HMCN1: variants seen among roughly 807,000 people sequenced by gnomAD.
The protein encoded by HMCN1 is hemicentin 1.
Under a neutral mutation model 625.9 loss-of-function variants are expected in HMCN1, and 321 were observed. The ratio of observed to expected loss-of-function variants is 0.51; its 90% CI spans 0.47 to 0.56. The LOEUF is 0.56. Ranked by LOEUF, HMCN1 falls within the 20% of genes least tolerant of loss-of-function variation. The pLI, the probability that HMCN1 is intolerant of heterozygous loss-of-function variation, is 0.00. For synonymous variants in HMCN1, 2,425 were observed against 2,417.6 expected, an observed-to-expected ratio of 1.00 and a Z score of -0.09; for missense variants, 6,588 against 6,887.3, an observed-to-expected ratio of 0.96 and a Z score of 1.54.
intron 11 of HMCN1, among the ~76,000 whole-genome samples, chr1:185,960,356 C>T (rs573608483): frequency 2.2e-4 from 33 of 151,928 alleles, no homozygotes; most frequent in Non-Finnish European, 3.7e-4. Flanking sequence ...CTCAAACTCC[C>T]GACCTCAGTT....
At chr1:186,026,792 G>A (rs1462666862) in intron 36 of HMCN1, among the ~76,000 whole-genome samples, 1 of 151,906 alleles carries the variant, frequency 6.6e-6, no homozygotes, top group African/African-American at 2.4e-5. Flanking sequence ...ATGCCACCAT[G>A]CCTGGCTAAT....
chr1:185,820,209 G>A (rs1357612650), intron 1 of HMCN1, among the ~76,000 whole-genome samples: 1 of 152,072 alleles, frequency 6.6e-6, no homozygotes, highest in Non-Finnish European at 1.5e-5. Flanking sequence ...AATCTCTGAG[G>A]TTACTTTGTC....
At chr1:185,960,754 A>AAT (rs1649962354) in intron 11 of HMCN1, among the ~76,000 whole-genome samples, 1 of 152,240 alleles carries the variant, frequency 6.6e-6, no homozygotes, top group South Asian at 2.1e-4. Flanking sequence ...ATTCCATGTC[A>AAT]ATAGCTAGAC....
chr1:186,180,543 C>A (rs1372900326), intron 104 of HMCN1, among the ~76,000 whole-genome samples: 2 of 152,186 alleles, frequency 1.3e-5, no homozygotes, highest in Non-Finnish European at 2.9e-5. Flanking sequence ...TGATTAATAA[C>A]CCACTTCTCT....
intron 4 of HMCN1, among the ~76,000 whole-genome samples, chr1:185,899,913 G>T (rs542826115): frequency 6.6e-6 from 1 of 151,954 alleles, no homozygotes; most frequent in African/African-American, 2.4e-5. Flanking sequence ...CCATACATCT[G>T]TCTCATTCTT....
chr1:185,951,148 G>T (rs1253716400), intron 11 of HMCN1, among the ~76,000 whole-genome samples: 9 of 146,202 alleles, frequency 6.2e-5, no homozygotes, highest in African/African-American at 8.2e-5. Context: ...GGGTTAAGGT[G>T]GGGGGATACA....
rs750386921 is a variant in HMCN1 at position 186,082,851 on chromosome 1, C to T, written c.8788-14C>T. ...TTCAAAATTTTATTTGGAATTTCTTCATTTTTCCCTTAGATTCTGAATACT... is the reference window on the plus strand; with the variant it reads ...TTCAAAATTTTATTTGGAATTTCTTTATTTTTCCCTTAGATTCTGAATACT... On this transcript the variant is annotated splice_polypyrimidine_tract_variant and intron_variant, in intron 56 of 106. Coordinates refer to ENST00000271588, the MANE Select transcript of HMCN1 (RefSeq NM_031935.3). 2.7e-6 allele frequency: 4 copies of T among 1,503,886 alleles called. No homozygotes were observed. Among genetic ancestry groups the T allele is most frequent in the Middle Eastern group, 1.7e-4 (1 of 5,774 alleles). 93.2% of individuals were successfully genotyped at this position (1,503,886 alleles called of 1,614,324 possible).
Position 185,776,394 on chromosome 1 carries a change from C to T in HMCN1, c.268+41347C>T, listed in dbSNP as rs1571333884. ...CTCTCCTGGGTAAGTGAGGAACATG[C>T]CCATCAGGTGGTGATTAACTTTAAG... On this transcript the variant is annotated intron_variant, in intron 1 of 106. Transcript: ENST00000271588. Among the ~76,000 whole-genome samples the T allele has an allele frequency of 2.6e-5, 4 of 151,794 alleles. No homozygotes were observed. In the East Asian group the frequency reaches 7.7e-4, roughly 29 times the overall value.
At chr1:185,974,807 G>A (rs1651081942) in intron 15 of HMCN1, among the ~76,000 whole-genome samples, 1 of 152,132 alleles carries the variant, frequency 6.6e-6, no homozygotes, top group Non-Finnish European at 1.5e-5. Context: ...CCTTGTGCTT[G>A]TTTTGTGCAT....
At chr1:185,970,852 G>T (rs1023813566) in intron 15 of HMCN1, among the ~76,000 whole-genome samples, 1 of 151,894 alleles carries the variant, frequency 6.6e-6, no homozygotes, top group Non-Finnish European at 1.5e-5. Context: ...TAGAGGCGGG[G>T]TTTCACCATG....
chr1:185,832,008 G>GA (rs1660890654), intron 1 of HMCN1, among the ~76,000 whole-genome samples: 1 of 152,136 alleles, frequency 6.6e-6, no homozygotes, highest in Admixed American at 6.5e-5. Context: ...ATCTAAAGTT[G>GA]ATAATGGCCG....
At chr1:186,160,924 A>T (rs1316811017) in intron 97 of HMCN1, among the ~76,000 whole-genome samples, 1 of 151,810 alleles carries the variant, frequency 6.6e-6, no homozygotes, top group Non-Finnish European at 1.5e-5. Flanking sequence ...AGTTCTGTAG[A>T]TGTCTATTAG....
chr1:185,802,139 G>A (rs554547652), intron 1 of HMCN1, among the ~76,000 whole-genome samples: 10 of 152,260 alleles, frequency 6.6e-5, no homozygotes, highest in African/African-American at 2.4e-4. Context: ...TTTAGTGATG[G>A]CTTGGGTAGG....
chr1:185,834,101 C>G (rs1196738856), intron 1 of HMCN1, among the ~76,000 whole-genome samples: 2 of 152,124 alleles, frequency 1.3e-5, no homozygotes, highest in Non-Finnish European at 2.9e-5. Context: ...GGGTCACTGT[C>G]TAAGTTCTGG....
At chr1:185,778,200 CT>C (rs1656760118) in intron 1 of HMCN1, among the ~76,000 whole-genome samples, 1 of 152,104 alleles carries the variant, frequency 6.6e-6, no homozygotes, top group African/African-American at 2.4e-5. Context: ...ATTCCTGACT[CT>C]TTTTAGTCAG....
intron 36 of HMCN1, among the ~76,000 whole-genome samples, chr1:186,037,703 A>C (rs1655928557): frequency 6.6e-6 from 1 of 152,172 alleles, no homozygotes; most frequent in Non-Finnish European, 1.5e-5. Context: ...ATATAATTCT[A>C]AGGATTTTCC....
chr1:186,078,174 G>A lies in HMCN1; in HGVS notation c.8553G>A (p.Val2851=). 1 of 1,613,826 alleles carries A rather than the reference G, an allele frequency of 6.2e-7. No individual in the cohort carries two copies. The highest frequency in any genetic ancestry group is 1.1e-5 in the South Asian group (1 of 91,074). ...EDAGRYTCVA[V]NEAGEDSLQY... ...CTGGGAGATACACATGTGTGGCTGT[G>A]AATGAGGCTGGAGAAGATTCCCTTC... is the stretch of plus-strand genomic sequence containing the variant. The change falls in exon 55 of 107, where the codon GTG becomes GTA. Residue 2851 remains valine, a synonymous_variant. Coordinates refer to ENST00000271588, the MANE Select transcript of HMCN1 (RefSeq NM_031935.3).
chr1:185,854,953 G>T (rs1662374384), intron 2 of HMCN1, among the ~76,000 whole-genome samples: 1 of 152,170 alleles, frequency 6.6e-6, no homozygotes. Flanking sequence ...TAGACGGCAT[G>T]CAGAATCCAT....
chr1:186,117,292 T>G lies in HMCN1; in HGVS notation c.11684-167T>G, dbSNP rs112112035. On this transcript the variant is annotated intron_variant, in intron 76 of 106. Coordinates refer to ENST00000271588, the MANE Select transcript of HMCN1 (RefSeq NM_031935.3). ...GTGTCATGGGGGTTTGTTGTACAAATTACTTCATCACCCAGGTATTAACCC... is the reference window on the plus strand; with the variant it reads ...GTGTCATGGGGGTTTGTTGTACAAAGTACTTCATCACCCAGGTATTAACCC... Among the ~76,000 whole-genome samples the G allele has an allele frequency of 9.3e-3, 1,415 of 152,194 alleles. 24 individuals carry two copies. The highest frequency in any genetic ancestry group is 0.032 in the African/African-American group (1,334 of 41,526).
Sources: allele counts gnomAD v4.1 joint callset (sites outside exome capture counted in the v4.1 genomes callset), GRCh38; gene constraint gnomAD v4.1.1; transcripts MANE v1.5; gene names NCBI Gene and HGNC (gene_info 2026-07-23, HGNC 2026-07-21).